Variants in PKP1 observed in about 807,000 individuals in gnomAD.
PKP1 encodes the protein plakophilin-1.
Under a neutral mutation model 76.4 loss-of-function variants are expected in PKP1, and 27 were observed. The observed-to-expected ratio is 0.35, with a 90% CI of 0.26 to 0.49. The LOEUF is 0.49. Among genes scored for constraint, PKP1 ranks in the 20% least tolerant of loss-of-function variants. The pLI is 0.99. For missense variants in PKP1, 964 were observed against 955.2 expected (o/e 1.01, Z -0.12); for synonymous variants, 404 against 384.2 (o/e 1.05, Z -0.60).
intron 2 of PKP1, among the ~76,000 whole-genome samples, chr1:201,300,395 A>G (rs1199740903): frequency 6.6e-6 from 1 of 152,050 alleles, no homozygotes; most frequent in Admixed American, 6.5e-5. Flanking sequence ...TGCTTCCCCT[A>G]AGAAGCTTCT....
At chr1:201,328,635 T>C in intron 12 of PKP1, 127 bp from the exon 13 acceptor site, 1 of 816,108 alleles carries the variant, frequency 1.2e-6, no homozygotes. Flanking sequence ...CCCTGACACA[T>C]GTACTTAGTG....
In PKP1 at chr1:201,328,771, G is replaced by A. The variant is rs201180970; in HGVS notation, c.2116G>A (p.Asp706Asn). The part of the protein sequence containing the change: ...LQGVLRQQGF[D>N]RNMLGTLAGA... ...GTTTCTCCCTTTGCAGCAAGGTTTC[G>A]ATAGGAACATGCTGGGAACCTTAGC... Residue 706 changes from aspartate to asparagine, a missense_variant, in exon 13 of 14, where the codon GAT becomes AAT. Coordinates refer to ENST00000367324, the MANE Select transcript of PKP1 (RefSeq NM_001005337.3). 46 of 1,613,950 alleles carry A rather than the reference G, an allele frequency of 2.9e-5. No homozygotes were observed. The highest frequency in any genetic ancestry group is 1.6e-4 in the Middle Eastern group (1 of 6,084).
chr1:201,320,278 C>T lies in PKP1; in HGVS notation c.1244C>T (p.Ser415Leu), dbSNP rs151203492. The change falls in exon 7 of 14, where the codon TCG becomes TTG. Residue 415 changes from serine (S) to leucine (L), a missense_variant. Ser to Leu is a moderately radical substitution (Grantham distance 145, BLOSUM62 -2). Transcript: ENST00000367324. The part of the protein sequence containing the change: ...NATGCLRNLS[S>L]ADAGRQTMRN... ...CTTCTCTCCCCCAGGAACCTGAGCT[C>T]GGCCGATGCAGGCCGCCAGACCATG... 5.0e-6 allele frequency: 8 copies of T among 1,612,578 alleles called. No individual in the cohort carries two copies. The East Asian group carries it at 6.7e-5, about 13-fold the overall frequency.
At chr1:201,326,852 G>T (rs1657141081) in intron 12 of PKP1, among the ~76,000 whole-genome samples, 1 of 152,228 alleles carries the variant, frequency 6.6e-6, no homozygotes, top group Non-Finnish European at 1.5e-5. Flanking sequence ...CATCTGCTGG[G>T]GACAAGAAGG....
chr1:201,323,414 C>G (rs1657009793), intron 9 of PKP1, among the ~76,000 whole-genome samples: 1 of 95,022 alleles, frequency 1.1e-5, no homozygotes, highest in South Asian at 4.0e-4. Context: ...ATGCTGGATT[C>G]TGTCCATGCA....
intron 2 of PKP1, among the ~76,000 whole-genome samples, chr1:201,302,191 T>C (rs1351206370): frequency 1.3e-5 from 2 of 152,254 alleles, no homozygotes; most frequent in Non-Finnish European, 2.9e-5. Flanking sequence ...CCTTCAGTCT[T>C]TGTGAGCTCA....
At chr1:201,307,074 G>A (rs541539345) in intron 2 of PKP1, among the ~76,000 whole-genome samples, 11 of 152,214 alleles carry the variant, frequency 7.2e-5, no homozygotes, top group Middle Eastern at 3.4e-3. Flanking sequence ...GACACTTAGC[G>A]ACTTCAGTTC....
chr1:201,299,609 C>T (rs1656167138), intron 2 of PKP1, among the ~76,000 whole-genome samples: 1 of 152,210 alleles, frequency 6.6e-6, no homozygotes, highest in East Asian at 1.9e-4. Context: ...GTTAATTCCT[C>T]CAGCCCAGAT....
At chr1:201,309,886 C>T (rs1656485803) in intron 2 of PKP1, among the ~76,000 whole-genome samples, 1 of 152,364 alleles carries the variant, frequency 6.6e-6, no homozygotes, top group South Asian at 2.1e-4. Context: ...CAGGTGCCGA[C>T]AGCACCCAAG....
At chr1:201,302,573 C>G (rs1656264887) in intron 2 of PKP1, among the ~76,000 whole-genome samples, 1 of 152,340 alleles carries the variant, frequency 6.6e-6, no homozygotes, top group African/African-American at 2.4e-5. Context: ...GCCGTCCCCA[C>G]CCTTTGCAAG....
At chr1:201,285,345 C>T (rs1158241412) in intron 1 of PKP1, among the ~76,000 whole-genome samples, 2 of 151,692 alleles carry the variant, frequency 1.3e-5, no homozygotes, top group African/African-American at 2.4e-5. Flanking sequence ...CTTGTAGAGC[C>T]GAGGGAAGGA....
At chr1:201,325,938 C>A in intron 12 of PKP1, 100 bp downstream of exon 12, 1 of 844,458 alleles carries the variant, frequency 1.2e-6, no homozygotes, top group East Asian at 2.6e-5. Context: ...GAGAAACGCC[C>A]CTGCCCTTCG....
chr1:201,301,583 C>T (rs569705789), intron 2 of PKP1, among the ~76,000 whole-genome samples: 15 of 152,248 alleles, frequency 9.9e-5, no homozygotes, highest in African/African-American at 2.9e-4. Context: ...CTGTCTTCTC[C>T]GGAGAAGGAA....
rs751444082 is a variant in PKP1, at chr1:201,323,053, A to G, written c.1544A>G (p.Asn515Ser). The change falls in exon 9 of 14, where the codon AAC becomes AGC. Residue 515 changes from asparagine to serine, a missense_variant. Coordinates refer to ENST00000367324, the MANE Select transcript of PKP1 (RefSeq NM_001005337.3). ...YDCPLPEEET[N>S]PKGSGWLYHS... ...TGCCCCCTGCCTGAGGAAGAGACCA[A>G]CCCCAAGGGCAGCGGCTGGTTGTAC... 1.9e-6 allele frequency: 3 copies of G among 1,614,066 alleles called. No homozygotes were observed. The highest frequency in any genetic ancestry group is 1.6e-4 in the Middle Eastern group (1 of 6,062).
Position 201,316,690 on chromosome 1 carries a change from A to C in PKP1, c.839A>C (p.Lys280Thr), listed in dbSNP as rs1317412375. Residue 280 changes from lysine (K) to threonine (T), a missense_variant, in exon 4 of 14, where the codon AAG becomes ACG. By Grantham distance (78) the Lys-to-Thr change is moderately conservative. Coordinates refer to ENST00000367324, the MANE Select transcript of PKP1 (RefSeq NM_001005337.3). The stretch of plus-strand genomic sequence containing the variant: ...ACCTGCTTCCAGGATGAATCTGCCA[A>C]GCAACAGGTAGCTGGTTGCATACCT... ...QHTCFQDESA[K>T]QQVYQLGGIC... 6.2e-7 allele frequency: 1 copy of C among 1,613,636 alleles called. No homozygotes were observed. The highest frequency in any genetic ancestry group is 8.5e-7 in the Non-Finnish European group (1 of 1,180,028).
chr1:201,308,643 C>A (rs578251424), intron 2 of PKP1, among the ~76,000 whole-genome samples: 1 of 151,574 alleles, frequency 6.6e-6, no homozygotes, highest in Non-Finnish European at 1.5e-5. Flanking sequence ...AGCATCTGAA[C>A]AGAAGCAGGG....
At chr1:201,306,736 G>T (rs774236063) in intron 2 of PKP1, among the ~76,000 whole-genome samples, 3 of 151,856 alleles carry the variant, frequency 2.0e-5, no homozygotes, top group Admixed American at 6.6e-5. Context: ...GTGCAGTGGC[G>T]CAATCTCAGC....
At chr1:201,298,820 T>C (rs1193289713) in intron 2 of PKP1, among the ~76,000 whole-genome samples, 1 of 152,210 alleles carries the variant, frequency 6.6e-6, no homozygotes, top group Non-Finnish European at 1.5e-5. Flanking sequence ...GACGATCCCA[T>C]TGTGACAGAG....
chr1:201,287,960 G>C (rs537503813), intron 1 of PKP1, among the ~76,000 whole-genome samples: 1 of 152,124 alleles, frequency 6.6e-6, no homozygotes, highest in Non-Finnish European at 1.5e-5. Context: ...ACACACATAG[G>C]TCACACATGC....
Sources: allele counts gnomAD v4.1 joint callset (sites outside exome capture counted in the v4.1 genomes callset), GRCh38; gene constraint gnomAD v4.1.1; transcripts MANE v1.5; gene names NCBI Gene and HGNC (gene_info 2026-07-23, HGNC 2026-07-21).